Variants in PRIMPOL observed in about 807,000 individuals in gnomAD.
PRIMPOL encodes DNA-directed primase/polymerase protein.
In PRIMPOL, 54 loss-of-function variants were observed where a neutral mutation model predicts 63.6. The ratio of observed to expected loss-of-function variants is 0.85; its 90% CI spans 0.68 to 1.07. The LOEUF is 1.07. Ranked by LOEUF, PRIMPOL falls within the 50% of genes least tolerant of loss-of-function variation. The pLI is 0.00. For synonymous variants in PRIMPOL, 197 were observed against 220.2 expected, an observed-to-expected ratio of 0.89 and a Z score of 0.93; for missense variants, 610 against 648.3, an observed-to-expected ratio of 0.94 and a Z score of 0.64.
At chr4:184,671,851 G>A (rs868268627) in intron 6 of PRIMPOL, among the ~76,000 whole-genome samples, 8 of 147,554 alleles carry the variant, frequency 5.4e-5, no homozygotes, top group South Asian at 2.2e-4. Context: ...CATGCCATTC[G>A]CCCACCTCAG....
At chr4:184,667,184 T>A (rs1330639015) in intron 6 of PRIMPOL, among the ~76,000 whole-genome samples, 2 of 152,152 alleles carry the variant, frequency 1.3e-5, no homozygotes, top group African/African-American at 4.8e-5. Flanking sequence ...CACAAGGCTC[T>A]CGTCACCTGC....
chr4:184,691,996 C>T (rs1489528797), intron 13 of PRIMPOL, among the ~76,000 whole-genome samples: 1 of 151,784 alleles, frequency 6.6e-6, no homozygotes, highest in Non-Finnish European at 1.5e-5. Context: ...TAACAAAATA[C>T]CCATCTTTGT....
At chr4:184,673,848 G>A (rs868410070) in intron 7 of PRIMPOL, among the ~76,000 whole-genome samples, 4 of 152,176 alleles carry the variant, frequency 2.6e-5, no homozygotes, top group Admixed American at 6.5e-5. Flanking sequence ...AATGAGGGAC[G>A]TGTTTCTGCT....
At chr4:184,671,795 T>C (rs1456179166) in intron 6 of PRIMPOL, among the ~76,000 whole-genome samples, 1 of 139,806 alleles carries the variant, frequency 7.2e-6, no homozygotes, top group East Asian at 2.1e-4. Flanking sequence ...CAGGCTGGAG[T>C]GCAGTGGCGC....
chr4:184,689,291 C>A (rs908849601), intron 11 of PRIMPOL, among the ~76,000 whole-genome samples: 1 of 151,968 alleles, frequency 6.6e-6, no homozygotes, highest in Admixed American at 6.6e-5. Context: ...TGAACTCCAG[C>A]CTTCAAGCTA....
chr4:184,685,695 T>C lies in PRIMPOL; in HGVS notation c.1295+11T>C. The C allele has an allele frequency of 8.0e-7, 1 of 1,244,934 alleles. No homozygotes were observed. The highest frequency in any genetic ancestry group is 1.2e-6 in the Non-Finnish European group (1 of 868,212). The allele number at this position is 1,244,934 out of a possible 1,614,324, so 77.1% of individuals were successfully genotyped here. On this transcript the variant is annotated intron_variant, in intron 11 of 13. Coordinates refer to ENST00000314970, the MANE Select transcript of PRIMPOL (RefSeq NM_152683.4). ...GAGTAATAATATAATGTAAGTAATA[T>C]TAATGATTTGTGTGTATTTAACCAA...
chr4:184,667,531 T>C (rs6836427), intron 6 of PRIMPOL, among the ~76,000 whole-genome samples: 6,315 of 152,206 alleles, frequency 0.041, 313 homozygotes, highest in African/African-American at 0.12. Context: ...AGGATGGTCT[T>C]GATCCCCTGA....
rs1352070804 is a variant in PRIMPOL, at chr4:184,682,319, ACAGTATCGG to A, written c.1082_1090del (p.Ser361_Gly363del). The A allele has an allele frequency of 6.3e-7, 1 of 1,588,780 alleles. No homozygotes were observed. Among genetic ancestry groups the A allele is most frequent in the African/African-American group, 1.3e-5 (1 of 74,358 alleles). ...AAACAAAAAGGAGTTGGATATTTTA[ACAGTATCGG>A]CACTTCAGGTAAATTTTTTGATGTT... is the stretch of plus-strand genomic sequence containing the variant. On this transcript the variant is annotated inframe_deletion, in exon 9 of 14. Coordinates refer to ENST00000314970, the MANE Select transcript of PRIMPOL (RefSeq NM_152683.4).
chr4:184,691,668 T>A lies in PRIMPOL; in HGVS notation c.1381T>A (p.Phe461Ile), dbSNP rs553502345. 6.2e-7 allele frequency: 1 copy of A among 1,612,194 alleles called. No individual in the cohort carries two copies. Among genetic ancestry groups the A allele is most frequent in the South Asian group, 1.1e-5 (1 of 91,032 alleles). The change falls in exon 13 of 14, where the codon TTC becomes ATC. Residue 461 changes from phenylalanine to isoleucine, a missense_variant and splice_region_variant. Physicochemically the swap from Phe to Ile is conservative, Grantham distance 21 (BLOSUM62 0). Around this residue, in one of 3 missense-constraint regions of PRIMPOL, gnomAD observed 444 missense variants for 456.4 expected, o/e 0.97. Coordinates refer to ENST00000314970, the MANE Select transcript of PRIMPOL (RefSeq NM_152683.4). The stretch of plus-strand genomic sequence containing the variant: ...GTTTTGCTATCTTTCTGATTCAGGT[T>A]TCCCATTACCTGCTGAAGTATGTCT... ...CKAENFKSDC[F>I]PLPAEVCLLF...
At chr4:184,652,736 C>A in intron 2 of PRIMPOL, among the ~76,000 whole-genome samples, 1 of 151,752 alleles carries the variant, frequency 6.6e-6, no homozygotes. Flanking sequence ...AGGATATTAC[C>A]AAATCATAGA....
At chr4:184,668,015 GATATTAGTA>G (rs1750557468) in intron 6 of PRIMPOL, among the ~76,000 whole-genome samples, 2 of 152,160 alleles carry the variant, frequency 1.3e-5, no homozygotes. Flanking sequence ...CAATCCTTCA[GATATTAGTA>G]ATGGTAGAGT....
chr4:184,653,262 T>A (rs1745249188), intron 2 of PRIMPOL, among the ~76,000 whole-genome samples: 1 of 152,062 alleles, frequency 6.6e-6, no homozygotes, highest in African/African-American at 2.4e-5. Flanking sequence ...CCATCAAGTG[T>A]CACAGCTGGG....
chr4:184,680,633 T>G (rs897141388), intron 8 of PRIMPOL, among the ~76,000 whole-genome samples: 4 of 152,220 alleles, frequency 2.6e-5, no homozygotes, highest in Admixed American at 6.5e-5. Context: ...TATATATATA[T>G]AAGTATATTT....
intron 5 of PRIMPOL, among the ~76,000 whole-genome samples, chr4:184,662,390 C>A (rs1748601290): frequency 1.3e-5 from 2 of 152,104 alleles, no homozygotes; most frequent in African/African-American, 4.8e-5. Flanking sequence ...AAACTAATTC[C>A]TATTCAAGGT....
intron 11 of PRIMPOL, among the ~76,000 whole-genome samples, chr4:184,690,158 A>C (rs1373824215): frequency 6.6e-6 from 1 of 152,116 alleles, no homozygotes; most frequent in African/African-American, 2.4e-5. Context: ...TCAACTATTT[A>C]ATCAAATCTT....
At position 184,694,521 on chromosome 4, in the gene PRIMPOL, G is replaced by GGAA. The variant is rs753812516; in HGVS notation, c.1431_1433dup (p.Glu478dup). On this transcript the variant is annotated inframe_insertion and splice_region_variant. Transcript: ENST00000314970. ...TCTATCCCTTCACCACTGAAATAAA[G>GGAA]GAAGAAGAGTTTACAACAGATGAAG... 382 of 1,607,956 alleles carry GGAA rather than the reference G, an allele frequency of 2.4e-4. No homozygotes were observed. Among genetic ancestry groups the GGAA allele is most frequent in the Non-Finnish European group, 2.9e-4 (343 of 1,176,472 alleles).
chr4:184,692,351 A>G lies in PRIMPOL; in HGVS notation c.1425+639A>G, dbSNP rs1375126220. On this transcript the variant is annotated intron_variant, in intron 13 of 13. Coordinates refer to ENST00000314970, the MANE Select transcript of PRIMPOL (RefSeq NM_152683.4). ...TAGCCAGGTGTGGTGGCCTATGCCT[A>G]TAATCCCAGCTACTCAGGAGGCTGA... Among the ~76,000 whole-genome samples the G allele has an allele frequency of 1.2e-4, 18 of 151,612 alleles. No homozygotes were observed. The Middle Eastern group carries it at 0.01, about 86-fold the overall frequency.
chr4:184,652,808 T>G (rs1393044154), intron 2 of PRIMPOL, among the ~76,000 whole-genome samples: 4 of 148,730 alleles, frequency 2.7e-5, no homozygotes, highest in Non-Finnish European at 3.0e-5. Context: ...AGAGGGAGAA[T>G]TTGGAGTTGG....
intron 4 of PRIMPOL, among the ~76,000 whole-genome samples, chr4:184,660,704 CA>C (rs1440574373): frequency 6.6e-6 from 1 of 152,098 alleles, no homozygotes; most frequent in Non-Finnish European, 1.5e-5. Context: ...CTCATCTTCC[CA>C]TGTAAATATG....
Sources: gnomAD v4.1 joint callset for allele counts (sites outside exome capture counted in the v4.1 genomes callset) on GRCh38, gnomAD v4.1.1 for gene constraint, gnomAD v4.1.1 regional missense constraint, MANE v1.5 for transcripts, NCBI Gene and HGNC (gene_info 2026-07-23, HGNC 2026-07-21) for gene names.